TMPRSS11D: variants seen among roughly 807,000 people sequenced by gnomAD.
TMPRSS11D encodes the protein transmembrane serine protease 11D.
A neutral mutation model predicts 44.4 loss-of-function variants in TMPRSS11D; 32 were observed. The ratio of observed to expected loss-of-function variants is 0.72; its 90% confidence interval spans 0.54 to 0.97. The LOEUF (loss-of-function observed/expected upper bound fraction) is 0.97. TMPRSS11D is among the 50% of genes least tolerant of loss of function. TMPRSS11D has a pLI of 0.00. For missense variants in TMPRSS11D, 446 were observed against 502.6 expected (o/e 0.89, Z 1.08); for synonymous variants, 179 against 177.9 (o/e 1.01, Z -0.05).
At chr4:67,827,130 A>C (rs1378591171) in intron 8 of TMPRSS11D, 131 bp downstream of exon 8, 1 of 1,227,262 alleles carries the variant, frequency 8.1e-7, no homozygotes, top group African/African-American at 1.5e-5. Context: ...GCTTGGGCTG[A>C]GCAGAATATA....
chr4:67,830,073 G>A (rs116733901), intron 7 of TMPRSS11D, among the ~76,000 whole-genome samples: 2,111 of 152,176 alleles, frequency 0.014, 42 homozygotes, highest in African/African-American at 0.049. Flanking sequence ...AGGAAATATG[G>A]TGGCTGCATA....
chr4:67,874,432 T>C lies in TMPRSS11D; in HGVS notation c.8+9494A>G, dbSNP rs115357625. Among the ~76,000 whole-genome samples, 1,327 of 152,266 alleles carry C rather than the reference T, an allele frequency of 8.7e-3. 14 individuals carry two copies. Among genetic ancestry groups the C allele is most frequent in the African/African-American group, 0.031 (1,278 of 41,548 alleles). On this transcript the variant is annotated intron_variant, in intron 1 of 9. Transcript: ENST00000283916. Reference sequence around the variant, plus strand: ...TCCACTCATCGTTATCTCTACAAAATGTGTCCCAAAGTGGTGAGAAATTTG... The same window carrying C: ...TCCACTCATCGTTATCTCTACAAAACGTGTCCCAAAGTGGTGAGAAATTTG...
At chr4:67,852,893 A>G (rs1437922019) in intron 3 of TMPRSS11D, among the ~76,000 whole-genome samples, 1 of 152,194 alleles carries the variant, frequency 6.6e-6, no homozygotes, top group African/African-American at 2.4e-5. Flanking sequence ...GGCAAATTAA[A>G]CAAGTCTGCA....
At chr4:67,865,557 TAAAGAA>T (rs143648420) in intron 1 of TMPRSS11D, among the ~76,000 whole-genome samples, 8,138 of 151,544 alleles carry the variant, frequency 0.054, 688 homozygotes, top group African/African-American at 0.18. Flanking sequence ...CTTGAAAAGA[TAAAGAA>T]AATTGATAGA....
chr4:67,834,740 C>T (rs1380362558), intron 6 of TMPRSS11D, among the ~76,000 whole-genome samples: 1 of 152,270 alleles, frequency 6.6e-6, no homozygotes, highest in South Asian at 2.1e-4. Context: ...TAAACGGTGT[C>T]ATCAAACATA....
intron 3 of TMPRSS11D, among the ~76,000 whole-genome samples, chr4:67,853,196 A>G (rs1718549441): frequency 6.6e-6 from 1 of 152,174 alleles, no homozygotes; most frequent in African/African-American, 2.4e-5. Context: ...AGGCTGTGAG[A>G]GATTTGTGTT....
intron 1 of TMPRSS11D, among the ~76,000 whole-genome samples, chr4:67,868,298 G>C (rs558365302): frequency 6.6e-6 from 1 of 152,248 alleles, no homozygotes; most frequent in South Asian, 2.1e-4. Context: ...AGACATGAAA[G>C]AGTGGGAGGG....
At chr4:67,883,901 C>T in intron 1 of TMPRSS11D, 25 bp downstream of exon 1, 3 of 1,588,584 alleles carry the variant, frequency 1.9e-6, no homozygotes, top group Non-Finnish European at 2.6e-6. Context: ...ACTTTTAAAG[C>T]TACAAAGACA....
chr4:67,842,652 T>G (rs1271235112), intron 3 of TMPRSS11D, 27 bp from the exon 4 acceptor site: 6 of 1,578,724 alleles, frequency 3.8e-6, no homozygotes, highest in East Asian at 2.2e-5. Flanking sequence ...AGGGGGAATC[T>G]CTCTGTAAAT....
chr4:67,849,043 C>T, intron 3 of TMPRSS11D, among the ~76,000 whole-genome samples: 1 of 152,060 alleles, frequency 6.6e-6, no homozygotes, highest in East Asian at 1.9e-4. Flanking sequence ...CTTGGATAGT[C>T]ATGCAGCAAT....
intron 6 of TMPRSS11D, chr4:67,833,637 T>C (rs1718002186): frequency 3.4e-6 from 1 of 293,652 alleles, no homozygotes; most frequent in Admixed American, 5.2e-5. Flanking sequence ...GCTTCAGAGT[T>C]CCCTGGAATT....
chr4:67,854,403 A>T (rs1718584716), intron 2 of TMPRSS11D, among the ~76,000 whole-genome samples: 1 of 151,950 alleles, frequency 6.6e-6, no homozygotes, highest in Non-Finnish European at 1.5e-5. Flanking sequence ...TTTAAAAATC[A>T]GAGTGGTATT....
intron 1 of TMPRSS11D, among the ~76,000 whole-genome samples, chr4:67,868,954 A>G (rs1718991035): frequency 6.6e-6 from 1 of 152,232 alleles, no homozygotes; most frequent in African/African-American, 2.4e-5. Flanking sequence ...AATTAGAACC[A>G]TTCCCTGCTA....
rs1031597363 is a variant in TMPRSS11D at position 67,836,419 on chromosome 4, C to T, written c.476-1298G>A. On this transcript the variant is annotated intron_variant, in intron 5 of 9. Transcript: ENST00000283916. ...TTTTCAAGACAGGTTTCCACGCTCT[C>T]TCAAACCGACTTATGCAAAGTTATT... Among the ~76,000 whole-genome samples, 4 of 152,298 alleles carry T rather than the reference C, an allele frequency of 2.6e-5. No homozygotes were observed. The South Asian group carries it at 8.3e-4, about 32-fold the overall frequency.
intron 1 of TMPRSS11D, among the ~76,000 whole-genome samples, chr4:67,880,656 G>A (rs988222794): frequency 3.9e-5 from 6 of 151,910 alleles, no homozygotes; most frequent in Non-Finnish European, 7.4e-5. Context: ...TTTTGAGACA[G>A]GTTTTTGCTC....
At chr4:67,852,915 TATAAA>T (rs1718543062) in intron 3 of TMPRSS11D, among the ~76,000 whole-genome samples, 1 of 152,174 alleles carries the variant, frequency 6.6e-6, no homozygotes, top group Admixed American at 6.5e-5. Flanking sequence ...ATATTTATAA[TATAAA>T]ATACATACAG....
intron 1 of TMPRSS11D, among the ~76,000 whole-genome samples, chr4:67,878,553 A>G (rs1007547807): frequency 2.6e-5 from 4 of 152,320 alleles, no homozygotes; most frequent in African/African-American, 9.6e-5. Flanking sequence ...TTTTTGTTCC[A>G]GTGCTGTATA....
chr4:67,880,671 A>T (rs1719300544), intron 1 of TMPRSS11D, among the ~76,000 whole-genome samples: 2 of 151,788 alleles, frequency 1.3e-5, no homozygotes, highest in Admixed American at 1.3e-4. Context: ...TTGCTCTGTC[A>T]CCCCAGCTGG....
chr4:67,883,045 C>T (rs2053441), intron 1 of TMPRSS11D, among the ~76,000 whole-genome samples: 109,274 of 151,778 alleles, frequency 0.72, 39,850 homozygotes, highest in East Asian at 0.84. Flanking sequence ...GTGCATATAA[C>T]TGTATATATA....
Sources: allele counts gnomAD v4.1 joint callset (sites outside exome capture counted in the v4.1 genomes callset), GRCh38; gene constraint gnomAD v4.1.1; transcripts MANE v1.5; gene names NCBI Gene and HGNC (gene_info 2026-07-23, HGNC 2026-07-21).